Variants in ROBO2 observed in about 807,000 individuals in gnomAD.
The protein encoded by ROBO2 is roundabout guidance receptor 2.
A neutral mutation model predicts 160.8 loss-of-function variants in ROBO2; 53 were observed. That is an observed-to-expected ratio of 0.33 (90% CI 0.26 to 0.41). The LOEUF (loss-of-function observed/expected upper bound fraction) is 0.41. Among genes scored for constraint, ROBO2 ranks in the 10% least tolerant of loss-of-function variants. ROBO2 has a pLI of 1.00. For synonymous variants in ROBO2, 664 were observed against 611.7 expected (o/e 1.09, Z -1.26); for missense variants, 1,577 against 1,722.4 (o/e 0.92, Z 1.49).
chr3:77,311,972 G>C (rs950755734), intron 2 of ROBO2, among the ~76,000 whole-genome samples: 1 of 152,024 alleles, frequency 6.6e-6, no homozygotes, highest in Non-Finnish European at 1.5e-5. Flanking sequence ...TGTAATCCCA[G>C]CTACTGGGGA....
At chr3:76,799,004 G>A (rs1159995561) in intron 2 of ROBO2, among the ~76,000 whole-genome samples, 2 of 152,098 alleles carry the variant, frequency 1.3e-5, no homozygotes, top group Non-Finnish European at 2.9e-5. Flanking sequence ...CACAAGGTCA[G>A]GAGATGGAGA....
intron 2 of ROBO2, among the ~76,000 whole-genome samples, chr3:77,358,133 C>T (rs766127326): frequency 7.9e-5 from 12 of 152,164 alleles, no homozygotes; most frequent in Non-Finnish European, 1.8e-4. Flanking sequence ...TGCAAACTGT[C>T]ATAAATTGTC....
intron 2 of ROBO2, among the ~76,000 whole-genome samples, chr3:76,239,857 G>A (rs575157145): frequency 1.3e-5 from 2 of 152,238 alleles, no homozygotes; most frequent in South Asian, 2.1e-4. Flanking sequence ...GAGAGTAAAT[G>A]TTGCAAATTC....
intron 3 of ROBO2, 67 bp from the exon 4 acceptor site, chr3:77,481,032 A>T: frequency 7.5e-7 from 1 of 1,341,554 alleles, no homozygotes. Context: ...CTATTTATTA[A>T]TGACCTTTAT....
chr3:76,666,045 A>G (rs2092032543), intron 2 of ROBO2, among the ~76,000 whole-genome samples: 1 of 143,884 alleles, frequency 7.0e-6, no homozygotes, highest in Non-Finnish European at 1.5e-5. Context: ...TATATATACT[A>G]GATATATGCC....
chr3:77,215,816 C>T (rs2151144184), intron 2 of ROBO2, among the ~76,000 whole-genome samples: 1 of 152,294 alleles, frequency 6.6e-6, no homozygotes, highest in Non-Finnish European at 1.5e-5. Flanking sequence ...CCCTCAGCTG[C>T]AGGTCTGTTG....
At chr3:77,001,045 T>C (rs2061312043) in intron 2 of ROBO2, among the ~76,000 whole-genome samples, 1 of 152,198 alleles carries the variant, frequency 6.6e-6, no homozygotes, top group Non-Finnish European at 1.5e-5. Context: ...GCGTGCCTGC[T>C]AAATTTCTAG....
rs1382576773 is a variant in ROBO2 at position 76,049,391 on chromosome 3, A to G, written c.109+111789A>G. Among the ~76,000 whole-genome samples, 20 of 73,310 alleles carry G rather than the reference A, an allele frequency of 2.7e-4. 2 individuals are homozygous for G. The highest frequency in any genetic ancestry group is 1.7e-3 in the African/African-American group (18 of 10,514). The allele number at this position is 73,310 out of a possible 152,430, so 48.1% of individuals were successfully genotyped here. A position where few individuals can be genotyped will look rare whatever the true frequency, so the allele number is the denominator to read the frequency against. The stretch of plus-strand genomic sequence containing the variant: ...ACCCCTGGCTAATTTTAGTATATAT[A>G]TATATATATATATTTTTTTTTTTTT... On this transcript the variant is annotated intron_variant, in intron 2 of 26. Transcript: ENST00000487694.
intron 2 of ROBO2, among the ~76,000 whole-genome samples, chr3:76,547,446 A>G (rs1392474223): frequency 6.6e-6 from 1 of 152,004 alleles, no homozygotes; most frequent in Non-Finnish European, 1.5e-5. Flanking sequence ...ATTTATGTCT[A>G]GGTGGGTAAA....
intron 2 of ROBO2, among the ~76,000 whole-genome samples, chr3:76,041,808 T>C (rs1242391756): frequency 6.6e-6 from 1 of 151,988 alleles, no homozygotes; most frequent in African/African-American, 2.4e-5. Context: ...CCCTACATTT[T>C]TGGCTTTTGG....
chr3:76,656,381 C>G (rs555670254), intron 2 of ROBO2, among the ~76,000 whole-genome samples: 2 of 152,266 alleles, frequency 1.3e-5, no homozygotes, highest in East Asian at 3.9e-4. Context: ...AGCATTTACA[C>G]TGATAAATAA....
At chr3:76,462,174 A>ATAAG (rs2078121373) in intron 2 of ROBO2, among the ~76,000 whole-genome samples, 1 of 152,224 alleles carries the variant, frequency 6.6e-6, no homozygotes, top group Non-Finnish European at 1.5e-5. Context: ...ATTAGGAGAA[A>ATAAG]TAAGTAGATA....
chr3:75,963,529 AAC>A (rs1281836208), intron 2 of ROBO2, among the ~76,000 whole-genome samples: 1 of 151,836 alleles, frequency 6.6e-6, no homozygotes, highest in Non-Finnish European at 1.5e-5. Context: ...AATACTTGAT[AAC>A]ATAAAATAAA....
chr3:76,098,082 A>G (rs1406370224), intron 2 of ROBO2, among the ~76,000 whole-genome samples: 1 of 152,148 alleles, frequency 6.6e-6, no homozygotes, highest in African/African-American at 2.4e-5. Context: ...CACTCTCTCC[A>G]TACACATGTC....
chr3:77,389,677 G>A (rs2074508022), intron 2 of ROBO2, among the ~76,000 whole-genome samples: 1 of 140,736 alleles, frequency 7.1e-6, no homozygotes, highest in South Asian at 2.3e-4. Flanking sequence ...TTTCCTTCAT[G>A]TCTTTTCTTC....
intron 2 of ROBO2, among the ~76,000 whole-genome samples, chr3:75,976,006 A>C (rs1214500362): frequency 4.0e-5 from 6 of 151,536 alleles, no homozygotes; most frequent in African/African-American, 1.5e-4. Flanking sequence ...ACTGAATAGC[A>C]ACTGTCAATG....
intron 2 of ROBO2, among the ~76,000 whole-genome samples, chr3:76,607,216 C>T (rs528185917): frequency 1.6e-4 from 25 of 152,044 alleles, no homozygotes; most frequent in Non-Finnish European, 2.1e-4. Flanking sequence ...AGGAGCAATC[C>T]TCTTGCCTCA....
intron 2 of ROBO2, among the ~76,000 whole-genome samples, chr3:76,204,067 T>C (rs951280968): frequency 3.9e-5 from 6 of 152,186 alleles, no homozygotes; most frequent in African/African-American, 1.2e-4. Context: ...TGGACCCTGA[T>C]TGATACAGTC....
chr3:76,241,585 T>C (rs991490109), intron 2 of ROBO2, among the ~76,000 whole-genome samples: 1 of 152,184 alleles, frequency 6.6e-6, no homozygotes, highest in Admixed American at 6.5e-5. Flanking sequence ...ACTAAGTGAA[T>C]AGAGTAGCCC....
Sources: gnomAD v4.1 joint callset for allele counts (sites outside exome capture counted in the v4.1 genomes callset) on GRCh38, gnomAD v4.1.1 for gene constraint, MANE v1.5 for transcripts, NCBI Gene and HGNC (gene_info 2026-07-23, HGNC 2026-07-21) for gene names.